XRN1: variants seen among roughly 807,000 people sequenced by gnomAD.
XRN1 encodes strand-exchange protein 1 homolog.
XRN1 carries 67 observed loss-of-function variants against 222.3 expected under a neutral mutation model. That is an observed-to-expected ratio of 0.30 (90% CI 0.25 to 0.37). The LOEUF is 0.37. Among genes scored for constraint, XRN1 ranks in the 10% least tolerant of loss-of-function variants. XRN1 has a pLI of 1.00. For missense variants in XRN1, 1,707 were observed against 2,000.2 expected, an observed-to-expected ratio of 0.85 and a Z score of 2.80; for synonymous variants, 643 against 652.4, an observed-to-expected ratio of 0.99 and a Z score of 0.22.
At chr3:142,333,792 A>T (rs1466528075) in intron 34 of XRN1, among the ~76,000 whole-genome samples, 2 of 152,146 alleles carry the variant, frequency 1.3e-5, no homozygotes, top group East Asian at 3.9e-4. Flanking sequence ...ATATGAGAAG[A>T]CGCATCATCT....
intron 1 of XRN1, among the ~76,000 whole-genome samples, chr3:142,433,985 A>G (rs1488742516): frequency 6.6e-6 from 1 of 152,226 alleles, no homozygotes; most frequent in Non-Finnish European, 1.5e-5. Flanking sequence ...GTACAAGCAT[A>G]ACATAAAAAT....
At chr3:142,431,917 T>TA (rs2069593004) in intron 2 of XRN1, among the ~76,000 whole-genome samples, 12 of 88,214 alleles carry the variant, frequency 1.4e-4, no homozygotes, top group African/African-American at 4.0e-4. Context: ...TATATAAATA[T>TA]ATATAATATA....
intron 13 of XRN1, among the ~76,000 whole-genome samples, chr3:142,415,026 A>G (rs947248286): frequency 6.6e-6 from 1 of 152,334 alleles, no homozygotes; most frequent in African/African-American, 2.4e-5. Context: ...GTTCTGGTAA[A>G]AGCTCACAAG....
chr3:142,364,856 T>G (rs1350955241), intron 29 of XRN1, among the ~76,000 whole-genome samples, 191 bp downstream of exon 29: 1 of 152,106 alleles, frequency 6.6e-6, no homozygotes, highest in Non-Finnish European at 1.5e-5. Context: ...TTCCAGATTA[T>G]ACAATAAAAA....
intron 13 of XRN1, 81 bp downstream of exon 13, chr3:142,417,058 AG>A: frequency 9.9e-7 from 1 of 1,009,060 alleles, no homozygotes; most frequent in Non-Finnish European, 1.4e-6. Context: ...TAGAAATAAA[AG>A]GAAGTGCTTC....
chr3:142,368,347 C>A (rs532524272), intron 27 of XRN1, among the ~76,000 whole-genome samples: 3 of 152,248 alleles, frequency 2.0e-5, no homozygotes, highest in Admixed American at 6.5e-5. Flanking sequence ...CAGGGTTTCA[C>A]CATGTTGGCC....
At chr3:142,318,450 T>C in intron 39 of XRN1, 142 bp downstream of exon 39, 1 of 764,474 alleles carries the variant, frequency 1.3e-6, no homozygotes, top group Non-Finnish European at 2.1e-6. Flanking sequence ...TACTTTTAGA[T>C]GAATCTGCAG....
At position 142,335,432 on chromosome 3, in the gene XRN1, T is replaced by C. The variant is rs1170094693; in HGVS notation, c.3939+16A>G. 1 of 1,612,662 alleles carries C rather than the reference T, an allele frequency of 6.2e-7. No individual in the cohort carries two copies. The highest frequency in any genetic ancestry group is 8.5e-7 in the Non-Finnish European group (1 of 1,179,034). On this transcript the variant is annotated intron_variant, in intron 34 of 40. Transcript: ENST00000392981. Reference sequence around the variant, plus strand: ...AAAAAATTGGTAACTAGAAATTTGATTTTAAGGAAGCTTACCTGCTTATTG... The same window carrying C: ...AAAAAATTGGTAACTAGAAATTTGACTTTAAGGAAGCTTACCTGCTTATTG...
chr3:142,447,516 T>C lies in XRN1; in HGVS notation c.75+354A>G, dbSNP rs2070572957. The stretch of plus-strand genomic sequence containing the variant: ...AACCTACGAGGACACCCACTCCAGC[T>C]TCGCAGCCTCTGTAAGGAAAAAGGC... On this transcript the variant is annotated intron_variant, in intron 1 of 40. Coordinates refer to ENST00000392981, the MANE Select transcript of XRN1 (RefSeq NM_001282857.2). The surrounding 1 kb of genome is among the most constrained non-coding windows in gnomAD (Gnocchi z 4.2). Among the ~76,000 whole-genome samples, 1 of 152,168 alleles carries C rather than the reference T, an allele frequency of 6.6e-6. No homozygotes were observed. Among genetic ancestry groups the C allele is most frequent in the Admixed American group, 6.5e-5 (1 of 15,282 alleles).
rs768555292 is a variant in XRN1 at position 142,383,249 on chromosome 3, A to G, written c.2616+51T>C. The stretch of plus-strand genomic sequence containing the variant: ...AAACCTAAATGAAGAGAAGTTAAGT[A>G]ACTGCTTTAAACTAGAGAAAAATGT... On this transcript the variant is annotated intron_variant, in intron 22 of 40. Coordinates refer to ENST00000392981, the MANE Select transcript of XRN1 (RefSeq NM_001282857.2). The G allele has an allele frequency of 1.2e-5, 17 of 1,364,296 alleles. No individual in the cohort carries two copies. The South Asian group carries it at 2.2e-4, about 17-fold the overall frequency. 84.5% of individuals were successfully genotyped at this position (1,364,296 alleles called of 1,614,324 possible).
intron 15 of XRN1, among the ~76,000 whole-genome samples, chr3:142,411,166 A>G (rs2068562994): frequency 6.6e-6 from 1 of 152,208 alleles, no homozygotes; most frequent in Non-Finnish European, 1.5e-5. Flanking sequence ...TACTATATGA[A>G]GGAACTATAA....
chr3:142,379,255 A>G (rs2067231510), intron 23 of XRN1, among the ~76,000 whole-genome samples: 1 of 152,220 alleles, frequency 6.6e-6, no homozygotes, highest in South Asian at 2.1e-4. Flanking sequence ...TGGATGACAG[A>G]GCGAAACTCT....
chr3:142,348,041 C>T (rs892969663), intron 32 of XRN1, among the ~76,000 whole-genome samples: 4 of 152,068 alleles, frequency 2.6e-5, no homozygotes, highest in Admixed American at 6.5e-5. Context: ...CCTAGATTTG[C>T]TTCAAAATAA....
At position 142,395,244 on chromosome 3, in the gene XRN1, T is replaced by C. The variant is rs111304525; in HGVS notation, c.2339+2085A>G. Among the ~76,000 whole-genome samples, 5 of 152,178 alleles carry C rather than the reference T, an allele frequency of 3.3e-5. 1 individual carries two copies. The highest frequency in any genetic ancestry group is 1.2e-4 in the African/African-American group (5 of 41,534). ...AGGCATGAAAGGAAGGGACAAAAAG[T>C]GAGATGGTATCAGGGGGGAATATGG... On this transcript the variant is annotated intron_variant, in intron 20 of 40. Transcript: ENST00000392981.
chr3:142,378,875 A>G (rs1559831421), intron 23 of XRN1, among the ~76,000 whole-genome samples: 1 of 152,186 alleles, frequency 6.6e-6, no homozygotes, highest in Admixed American at 6.5e-5. Context: ...AAGATTTCAG[A>G]AAATGAAAAT....
At chr3:142,419,539 G>GTGGC (rs1469717705) in intron 10 of XRN1, among the ~76,000 whole-genome samples, 2 of 152,206 alleles carry the variant, frequency 1.3e-5, no homozygotes, top group African/African-American at 4.8e-5. Context: ...GCCGGGCACG[G>GTGGC]TGGCTCACGC....
chr3:142,343,612 G>A (rs2066059252), intron 33 of XRN1, among the ~76,000 whole-genome samples: 1 of 152,116 alleles, frequency 6.6e-6, no homozygotes, highest in African/African-American at 2.4e-5. Context: ...GGAGAAAAAG[G>A]TACCCCTGTA....
rs532014286 is a variant in XRN1, at chr3:142,426,726, G to C, written c.406+18C>G. 3 of 1,586,704 alleles carry C rather than the reference G, an allele frequency of 1.9e-6. No individual in the cohort carries two copies. Among genetic ancestry groups the C allele is most frequent in the Non-Finnish European group, 2.6e-6 (3 of 1,163,396 alleles). ...TTATATTTCAATTCTGTCATAATTT[G>C]TCTCTCAGTGAATTTACCTGGTGTG... On this transcript the variant is annotated intron_variant, in intron 3 of 40. Coordinates refer to ENST00000392981, the MANE Select transcript of XRN1 (RefSeq NM_001282857.2).
chr3:142,362,289 C>T (rs1458787947), intron 29 of XRN1, among the ~76,000 whole-genome samples: 1 of 152,036 alleles, frequency 6.6e-6, no homozygotes, highest in Non-Finnish European at 1.5e-5. Context: ...AGGCATGCAC[C>T]ACCATGCCTG....
Sources: allele counts gnomAD v4.1 joint callset (sites outside exome capture counted in the v4.1 genomes callset), GRCh38; gene constraint gnomAD v4.1.1; non-coding constraint Gnocchi (gnomAD v3.1); transcripts MANE v1.5; gene names NCBI Gene and HGNC (gene_info 2026-07-23, HGNC 2026-07-21).